EGF: variants seen among roughly 807,000 people sequenced by gnomAD.
The protein encoded by EGF is epidermal growth factor.
Under a neutral mutation model 143.8 loss-of-function variants are expected in EGF, and 95 were observed. The ratio of observed to expected loss-of-function variants is 0.66; its 90% confidence interval spans 0.56 to 0.78. EGF has a LOEUF of 0.78. Among genes scored for constraint, EGF ranks in the 30% least tolerant of loss-of-function variants. EGF has a pLI of 0.00. For missense variants in EGF, 1,320 were observed against 1,470.9 expected, an observed-to-expected ratio of 0.90 and a Z score of 1.68; for synonymous variants, 510 against 510.5, an observed-to-expected ratio of 1.00 and a Z score of 0.01.
rs2237050 is a variant in EGF, at chr4:109,979,662, A to G, written c.2054-310A>G. Reference sequence around the variant, plus strand: ...AGCGACAGATGTACTAAACAAGGAAAATTCCACCTTTCTCCTTCATGGGGC... The same window carrying G: ...AGCGACAGATGTACTAAACAAGGAAGATTCCACCTTTCTCCTTCATGGGGC... On this transcript the variant is annotated intron_variant, in intron 13 of 23. Transcript: ENST00000265171. Among the ~76,000 whole-genome samples the G allele has an allele frequency of 0.02, 3,092 of 152,300 alleles. 209 individuals are homozygous for G. Among genetic ancestry groups the G allele is most frequent in the East Asian group, 0.16 (810 of 5,174 alleles).
chr4:110,011,584 C>T lies in EGF; in HGVS notation c.*129C>T. ...CTACGACTAATCACCTACTCAATGCCTGGAGACAGATACGTAGTTGTGCTT... is the reference window on the plus strand; with the variant it reads ...CTACGACTAATCACCTACTCAATGCTTGGAGACAGATACGTAGTTGTGCTT... On this transcript the variant is annotated 3_prime_UTR_variant, in exon 24 of 24. Transcript: ENST00000265171. 3.6e-6 allele frequency: 5 copies of T among 1,384,956 alleles called. No individual in the cohort carries two copies. In the South Asian group the frequency reaches 5.0e-5, roughly 14 times the overall value. 85.8% of individuals were successfully genotyped at this position (1,384,956 alleles called of 1,614,324 possible). A position where few individuals can be genotyped will look rare whatever the true frequency, so the allele number is the denominator to read the frequency against.
chr4:109,919,485 G>A (rs947677914), intron 1 of EGF, among the ~76,000 whole-genome samples: 4 of 152,126 alleles, frequency 2.6e-5, no homozygotes, highest in African/African-American at 9.7e-5. Flanking sequence ...AAGTAAGGCA[G>A]GGCACTGACT....
At chr4:109,920,428 G>C (rs1737563483) in intron 1 of EGF, among the ~76,000 whole-genome samples, 1 of 151,612 alleles carries the variant, frequency 6.6e-6, no homozygotes, top group African/African-American at 2.4e-5. Context: ...TATCTCACTG[G>C]TGTGGCCAGA....
At chr4:109,990,534 T>G (rs1175737571) in intron 18 of EGF, among the ~76,000 whole-genome samples, 2 of 152,182 alleles carry the variant, frequency 1.3e-5, no homozygotes, top group African/African-American at 4.8e-5. Flanking sequence ...AGTTGAGCAC[T>G]AAGTTTAGGT....
rs2298995 is a variant in EGF, at chr4:109,984,820, A to C, written c.2491+1279A>C. Among the ~76,000 whole-genome samples, 3,323 of 152,306 alleles carry C rather than the reference A, an allele frequency of 0.022. 236 individuals are homozygous for C. In the East Asian group the frequency reaches 0.24, roughly 11 times the overall value. On this transcript the variant is annotated intron_variant, in intron 16 of 23. Coordinates refer to ENST00000265171, the MANE Select transcript of EGF (RefSeq NM_001963.6). The stretch of plus-strand genomic sequence containing the variant: ...AAAATTATGACCAAATAATTAATTA[A>C]TGTGAAAATAAGACGTTCTGGAAAA...
chr4:109,975,647 GC>G (rs1454507606), intron 12 of EGF, among the ~76,000 whole-genome samples: 1 of 152,132 alleles, frequency 6.6e-6, no homozygotes, highest in East Asian at 1.9e-4. Flanking sequence ...AGAAGAACAG[GC>G]GAGCAAGATT....
chr4:109,978,108 T>TG (rs1748788573), intron 13 of EGF, among the ~76,000 whole-genome samples: 1 of 152,200 alleles, frequency 6.6e-6, no homozygotes, highest in African/African-American at 2.4e-5. Flanking sequence ...CTGGTATATA[T>TG]GTGGTGGCTT....
chr4:109,915,327 G>A (rs1736437041), intron 1 of EGF, among the ~76,000 whole-genome samples: 2 of 152,138 alleles, frequency 1.3e-5, no homozygotes, highest in South Asian at 2.1e-4. Flanking sequence ...TTTTTGTGGG[G>A]AATCACATGA....
chr4:109,968,745 A>G, intron 10 of EGF: 1 of 509,508 alleles, frequency 2.0e-6, no homozygotes, highest in Non-Finnish European at 3.4e-6. Flanking sequence ...GATTGATATT[A>G]TTATCCTTAT....
At chr4:109,970,756 C>T (rs1265985055) in intron 11 of EGF, among the ~76,000 whole-genome samples, 6 of 138,556 alleles carry the variant, frequency 4.3e-5, no homozygotes, top group South Asian at 2.3e-4. Flanking sequence ...ACCTGGAAGG[C>T]GGAGCTTGCA....
At chr4:110,000,512 C>T in intron 21 of EGF, among the ~76,000 whole-genome samples, 1 of 152,110 alleles carries the variant, frequency 6.6e-6, no homozygotes, top group East Asian at 1.9e-4. Context: ...TGATTTTCCA[C>T]AAAATATTAA....
intron 1 of EGF, among the ~76,000 whole-genome samples, chr4:109,918,150 C>T (rs1737028468): frequency 6.6e-6 from 1 of 152,098 alleles, no homozygotes; most frequent in Non-Finnish European, 1.5e-5. Flanking sequence ...ATGTGATATA[C>T]ACCCTCCTTG....
intron 1 of EGF, among the ~76,000 whole-genome samples, chr4:109,921,922 G>A (rs182723817): frequency 2.6e-5 from 4 of 151,606 alleles, no homozygotes; most frequent in African/African-American, 7.3e-5. Context: ...AATACATGCC[G>A]GTTGACACCA....
chr4:109,961,779 AC>A, intron 7 of EGF, 83 bp from the exon 8 acceptor site: 17 of 1,573,666 alleles, frequency 1.1e-5, no homozygotes, highest in Non-Finnish European at 1.5e-5. Context: ...CAGGAGGATC[AC>A]CTGGCAATAT....
chr4:109,989,791 A>G (rs2051522252), intron 18 of EGF, among the ~76,000 whole-genome samples: 1 of 152,092 alleles, frequency 6.6e-6, no homozygotes, highest in South Asian at 2.1e-4. Flanking sequence ...TCACACTGTT[A>G]CTAACTCATC....
chr4:109,947,179 G>A (rs1743008561), intron 5 of EGF, among the ~76,000 whole-genome samples: 1 of 151,662 alleles, frequency 6.6e-6, no homozygotes, highest in Admixed American at 6.6e-5. Context: ...GGGGCCTACA[G>A]AAAAAAAGTT....
intron 16 of EGF, among the ~76,000 whole-genome samples, chr4:109,984,949 A>G (rs577745387): frequency 1.9e-4 from 29 of 152,330 alleles, no homozygotes; most frequent in Admixed American, 1.8e-3. Flanking sequence ...CCAGTCCTCA[A>G]GGCCACAGTT....
At position 109,999,786 on chromosome 4, in the gene EGF, T is replaced by C. The variant is rs559546269; in HGVS notation, c.3113T>C (p.Val1038Ala). Residue 1038 changes from valine (V) to alanine (A), a missense_variant, in exon 21 of 24, where the codon GTC (valine) becomes GCC (alanine). Physicochemically the swap from Val to Ala is moderately conservative, Grantham distance 64. Around this residue, in one of 5 missense-constraint regions of EGF, gnomAD observed 1,186 missense variants for 1,313.7 expected, o/e 0.90. Coordinates refer to ENST00000265171, the MANE Select transcript of EGF (RefSeq NM_001963.6). ...GQQQKVIVVA[V>A]CVVVLVMLLL... ...CAGCAGAAGGTCATCGTGGTGGCTGTCTGCGTGGTGGTGCTTGTCATGCTG... is the reference window on the plus strand; with the variant it reads ...CAGCAGAAGGTCATCGTGGTGGCTGCCTGCGTGGTGGTGCTTGTCATGCTG... The C allele has an allele frequency of 6.2e-7, 1 of 1,614,048 alleles. No homozygotes were observed. Among genetic ancestry groups the C allele is most frequent in the Middle Eastern group, 1.7e-4 (1 of 6,002 alleles).
intron 10 of EGF, among the ~76,000 whole-genome samples, chr4:109,967,907 A>G (rs1746866918): frequency 6.6e-6 from 1 of 152,178 alleles, no homozygotes; most frequent in African/African-American, 2.4e-5. Flanking sequence ...ATGGCATAAG[A>G]GATATTTTAA....
Sources: gnomAD v4.1 joint callset for allele counts (sites outside exome capture counted in the v4.1 genomes callset) on GRCh38, gnomAD v4.1.1 for gene constraint, gnomAD v4.1.1 regional missense constraint, MANE v1.5 for transcripts, NCBI Gene and HGNC (gene_info 2026-07-23, HGNC 2026-07-21) for gene names.